Variants in ZFHX3 observed in about 807,000 individuals in gnomAD.
ZFHX3 encodes zinc finger homeobox 3.
Under a neutral mutation model 279.1 loss-of-function variants are expected in ZFHX3, and 42 were observed. That is an observed-to-expected ratio of 0.15 (90% CI 0.12 to 0.19). The LOEUF is 0.19. Among genes scored for constraint, ZFHX3 ranks in the 10% least tolerant of loss-of-function variants. The pLI, the probability that ZFHX3 is intolerant of heterozygous loss-of-function variation, is 1.00. For synonymous variants in ZFHX3, 2,293 were observed against 1,957.8 expected (o/e 1.17, Z -4.52); for missense variants, 4,981 against 4,754.0 (o/e 1.05, Z -1.40).
intron 1 of ZFHX3, among the ~76,000 whole-genome samples, chr16:73,831,377 G>A (rs1960993155): frequency 6.6e-6 from 1 of 152,214 alleles, no homozygotes; most frequent in African/African-American, 2.4e-5. Context: ...AGCCCTGGGG[G>A]CTCTGATGAG....
At chr16:73,858,106 AAAG>A (rs1269870037) in intron 1 of ZFHX3, among the ~76,000 whole-genome samples, 54 of 151,796 alleles carry the variant, frequency 3.6e-4, no homozygotes, top group South Asian at 1.0e-3. Context: ...AAAAAAAAAA[AAAG>A]AAGAAGAAGA....
intron 4 of ZFHX3, among the ~76,000 whole-genome samples, chr16:72,887,722 G>A (rs2038664692): frequency 6.6e-6 from 1 of 151,750 alleles, no homozygotes; most frequent in Non-Finnish European, 1.5e-5. Context: ...GCACGCAGAT[G>A]GGGCGTGTGG....
chr16:73,031,280 G>A (rs995044909), intron 1 of ZFHX3, among the ~76,000 whole-genome samples: 2 of 133,484 alleles, frequency 1.5e-5, no homozygotes, highest in African/African-American at 2.6e-5. Context: ...GCCTGGCGGC[G>A]GGGGGGGAAG....
chr16:73,487,593 C>T (rs2018997249), intron 2 of ZFHX3: 1 of 309,872 alleles, frequency 3.2e-6, no homozygotes, highest in Non-Finnish European at 6.4e-6. Flanking sequence ...ATTTTGTAGA[C>T]ACGGGTTCTC....
chr16:73,202,095 G>A (rs921066699), intron 5 of ZFHX3, among the ~76,000 whole-genome samples: 2 of 152,106 alleles, frequency 1.3e-5, no homozygotes, highest in East Asian at 3.9e-4. Context: ...GCATTTAAAT[G>A]TAAAGATCTC....
intron 1 of ZFHX3, among the ~76,000 whole-genome samples, chr16:72,967,926 T>C (rs1484674104): frequency 7.6e-6 from 1 of 131,736 alleles, no homozygotes; most frequent in Admixed American, 7.5e-5. Context: ...AGACCCCATC[T>C]AAAAAAAAAA....
At chr16:73,267,917 C>A in intron 4 of ZFHX3, among the ~76,000 whole-genome samples, 1 of 152,014 alleles carries the variant, frequency 6.6e-6, no homozygotes, top group East Asian at 1.9e-4. Flanking sequence ...TTTATTTTTT[C>A]AATTTGTGAT....
At chr16:73,726,191 A>G (rs2053517106) in intron 1 of ZFHX3, among the ~76,000 whole-genome samples, 1 of 152,212 alleles carries the variant, frequency 6.6e-6, no homozygotes, top group Non-Finnish European at 1.5e-5. Flanking sequence ...GAGGGGTGAT[A>G]GAAACCCTCA....
chr16:72,894,491 C>T (rs138383690), intron 3 of ZFHX3, among the ~76,000 whole-genome samples: 1 of 152,284 alleles, frequency 6.6e-6, no homozygotes, highest in Non-Finnish European at 1.5e-5. Flanking sequence ...CCCAGAATCC[C>T]ACCCTTGGAA....
intron 7 of ZFHX3, among the ~76,000 whole-genome samples, chr16:73,112,288 G>A (rs1016364187): frequency 4.6e-5 from 7 of 151,948 alleles, no homozygotes; most frequent in East Asian, 3.9e-4. Flanking sequence ...CAGAGGAGTC[G>A]ACACAATAGG....
intron 3 of ZFHX3, chr16:73,401,407 C>CACACACA (rs2017252400): frequency 3.2e-5 from 4 of 126,490 alleles, no homozygotes; most frequent in South Asian, 2.7e-4. Context: ...CACACACACA[C>CACACACA]CTCAAAAGCC....
At chr16:73,209,234 A>G (rs753812959) in intron 5 of ZFHX3, among the ~76,000 whole-genome samples, 32 of 152,256 alleles carry the variant, frequency 2.1e-4, no homozygotes, top group Non-Finnish European at 3.4e-4. Flanking sequence ...AATATATTTC[A>G]GTGAAAATGA....
intron 1 of ZFHX3, among the ~76,000 whole-genome samples, chr16:73,752,898 C>T (rs1363450689): frequency 6.6e-6 from 1 of 152,198 alleles, no homozygotes; most frequent in Non-Finnish European, 1.5e-5. Context: ...CAGGTACCTC[C>T]AATAAAACCA....
At chr16:73,762,756 T>C (rs1486413355) in intron 1 of ZFHX3, among the ~76,000 whole-genome samples, 3 of 152,140 alleles carry the variant, frequency 2.0e-5, no homozygotes, top group Non-Finnish European at 4.4e-5. Flanking sequence ...TGTTCTCACT[T>C]ATAAGTGGGA....
At chr16:73,623,417 T>C (rs2052386401) in intron 2 of ZFHX3, among the ~76,000 whole-genome samples, 1 of 152,156 alleles carries the variant, frequency 6.6e-6, no homozygotes, top group Non-Finnish European at 1.5e-5. Flanking sequence ...AAAGACTCTT[T>C]CCAGCTTCTG....
At position 73,600,677 on chromosome 16, in the gene ZFHX3, C is replaced by G. The variant is rs565147070; in HGVS notation, c.-1547+79503G>C. ...CCTCGTGATCCGCCCGCCTCGGCCT[C>G]CCAAAGTGCTAGGATTACAGGCGTG... On this transcript the variant is annotated intron_variant, in intron 2 of 17. Transcript: ENST00000641206. 2.0e-5 allele frequency among the ~76,000 whole-genome samples: 3 copies of G among 152,262 alleles called. No homozygotes were observed. The South Asian group carries it at 6.2e-4, about 32-fold the overall frequency.
In ZFHX3 at chr16:73,041,869, C is replaced by T. The variant is rs537981527; in HGVS notation, c.-50+5883G>A. Among the ~76,000 whole-genome samples, 60 of 152,186 alleles carry T rather than the reference C, an allele frequency of 3.9e-4. No individual in the cohort carries two copies. The South Asian group carries it at 0.012, about 31-fold the overall frequency. ...CCAAAGAGCATTTTAGGAAGCAGGG[C>T]CTTAAATGGTGGAAGAGGCTTGCAT... On this transcript the variant is annotated intron_variant, in intron 1 of 9. Transcript: ENST00000268489.
intron 5 of ZFHX3, among the ~76,000 whole-genome samples, chr16:73,147,883 TA>T (rs1283364681): frequency 6.6e-6 from 1 of 151,818 alleles, no homozygotes; most frequent in Non-Finnish European, 1.5e-5. Flanking sequence ...AAAACAAAAA[TA>T]AAAAAACCCA....
intron 8 of ZFHX3, among the ~76,000 whole-genome samples, chr16:72,799,513 T>C (rs2036028751): frequency 6.6e-6 from 1 of 152,156 alleles, no homozygotes; most frequent in African/African-American, 2.4e-5. Flanking sequence ...CTCACAGAGG[T>C]CTAACCATTC....
Sources: allele counts gnomAD v4.1 joint callset (sites outside exome capture counted in the v4.1 genomes callset), GRCh38; gene constraint gnomAD v4.1.1; transcripts MANE v1.5; gene names NCBI Gene and HGNC (gene_info 2026-07-23, HGNC 2026-07-21).